The following DMD variants were observed in gnomAD, a reference collection of about 807,000 sequenced individuals.
DMD encodes mutant dystrophin.
DMD carries 63 observed loss-of-function variants against 330.1 expected under a neutral mutation model. That is an observed-to-expected ratio of 0.19 (90% CI 0.16 to 0.24). The LOEUF is 0.24. Among genes scored for constraint, DMD ranks in the 10% least tolerant of loss-of-function variants. The pLI, the probability that DMD is intolerant of heterozygous loss-of-function variation, is 1.00. For synonymous variants in DMD, 1,223 were observed against 959.8 expected, an observed-to-expected ratio of 1.27 and a Z score of -5.07; for missense variants, 3,344 against 2,684.1, an observed-to-expected ratio of 1.25 and a Z score of -5.43.
At chrX:33,145,897 TA>T (rs1285754138) in intron 1 of DMD, among the ~76,000 whole-genome samples, 1 of 110,178 alleles carries the variant, frequency 9.1e-6, no homozygotes, top group African/African-American at 3.3e-5. Flanking sequence ...TTTATTTATT[TA>T]TTTTTTTGAG....
At chrX:32,970,623 G>C (rs1028701214) in intron 2 of DMD, among the ~76,000 whole-genome samples, 2 of 92,115 alleles carry the variant, frequency 2.2e-5, no homozygotes, top group Admixed American at 2.2e-4. Context: ...GACAGAGCGA[G>C]ACTCCATCTC....
chrX:32,983,550 CACACACACACACACACACACACACAT>C (rs1406584038), intron 2 of DMD, among the ~76,000 whole-genome samples: 5 of 90,285 alleles, frequency 5.5e-5, no homozygotes, highest in African/African-American at 1.2e-4. Flanking sequence ...CACACACACA[CACACACACACACACACACACACACAT>C]ATAGGAACAC....
chrX:31,197,861 C>T (rs886797349), intron 67 of DMD, among the ~76,000 whole-genome samples: 2 of 110,309 alleles, frequency 1.8e-5, no homozygotes, highest in Middle Eastern at 4.7e-3. Flanking sequence ...TGGATGAATG[C>T]ATAAAGAAAA....
chrX:32,851,492 A>C (rs1399619439), intron 2 of DMD, among the ~76,000 whole-genome samples: 1 of 112,545 alleles, frequency 8.9e-6, no homozygotes, highest in Non-Finnish European at 1.9e-5. Context: ...ACGGTCAAAT[A>C]CATGGAACCT....
intron 49 of DMD, among the ~76,000 whole-genome samples, chrX:31,833,520 T>C (rs950502791): frequency 1.8e-5 from 2 of 111,994 alleles, no homozygotes; most frequent in Admixed American, 9.5e-5. Flanking sequence ...TTTCATAATA[T>C]GTATTTGACC....
At position 32,564,458 on chromosome X, in the gene DMD, A is replaced by C. The variant is rs182077394; in HGVS notation, c.1992+1244T>G. 1.5e-3 allele frequency among the ~76,000 whole-genome samples: 168 copies of C among 111,859 alleles called. 1 individual carries two copies. Among genetic ancestry groups the C allele is most frequent in the Admixed American group, 2.5e-3 (26 of 10,479 alleles). On this transcript the variant is annotated intron_variant, in intron 16 of 78. Coordinates refer to ENST00000357033, the MANE Select transcript of DMD (RefSeq NM_004006.3). ...GACTAATGTCTCATGTATTTATTAC[A>C]TAAATACCAATGTATTGCAAAGAAG...
intron 13 of DMD, among the ~76,000 whole-genome samples, chrX:32,594,680 A>G (rs988611556): frequency 9.9e-5 from 11 of 111,186 alleles, no homozygotes; most frequent in African/African-American, 3.3e-4. Flanking sequence ...TACTTTATCA[A>G]TCTTTTAATA....
intron 44 of DMD, among the ~76,000 whole-genome samples, chrX:31,996,826 C>T (rs1390127131): frequency 9.0e-6 from 1 of 110,711 alleles, no homozygotes; most frequent in Non-Finnish European, 1.9e-5. Context: ...GATAATAAGC[C>T]AGGATAATAA....
At chrX:32,751,511 G>A (rs755244574) in intron 7 of DMD, among the ~76,000 whole-genome samples, 1 of 111,622 alleles carries the variant, frequency 9.0e-6, no homozygotes, top group East Asian at 2.8e-4. Context: ...GGTGACTTGG[G>A]TCCTGTTAAG....
At chrX:31,418,563 C>G (rs1048928571) in intron 60 of DMD, among the ~76,000 whole-genome samples, 1 of 111,884 alleles carries the variant, frequency 8.9e-6, no homozygotes, top group African/African-American at 3.2e-5. Context: ...GGGAAGGTAC[C>G]TAACTGCTCC....
At chrX:31,298,098 C>G (rs746402905) in intron 62 of DMD, among the ~76,000 whole-genome samples, 1 of 111,986 alleles carries the variant, frequency 8.9e-6, no homozygotes, top group East Asian at 2.8e-4. Context: ...TGTACAACTT[C>G]TAGTCCTTAC....
chrX:32,099,729 C>T, intron 44 of DMD, among the ~76,000 whole-genome samples: 1 of 75,363 alleles, frequency 1.3e-5, no homozygotes, highest in African/African-American at 5.7e-5. Flanking sequence ...ACATCACACC[C>T]TGGGAACTGT....
chrX:32,393,838 G>C (rs1228454924), intron 30 of DMD, among the ~76,000 whole-genome samples: 1 of 110,601 alleles, frequency 9.0e-6, no homozygotes, highest in African/African-American at 3.3e-5. Flanking sequence ...GAATGAGAGA[G>C]AGAGGTCAAC....
At chrX:31,864,906 C>G (rs1260296915) in intron 48 of DMD, among the ~76,000 whole-genome samples, 1 of 111,937 alleles carries the variant, frequency 8.9e-6, no homozygotes, top group Non-Finnish European at 1.9e-5. Flanking sequence ...TTAGTTTTGC[C>G]TTATCTAACA....
intron 9 of DMD, among the ~76,000 whole-genome samples, chrX:32,668,600 G>A (rs748003350): frequency 4.5e-4 from 50 of 111,602 alleles, no homozygotes; most frequent in Admixed American, 2.5e-3. Flanking sequence ...ATGAATAGTG[G>A]AATTCCAGCA....
At chrX:32,242,795 T>C (rs1291844107) in intron 43 of DMD, among the ~76,000 whole-genome samples, 1 of 110,416 alleles carries the variant, frequency 9.1e-6, no homozygotes, top group East Asian at 2.9e-4. Context: ...GGCATAGATA[T>C]ATAATCATTT....
At chrX:32,935,032 G>A (rs1398853519) in intron 2 of DMD, among the ~76,000 whole-genome samples, 2 of 113,128 alleles carry the variant, frequency 1.8e-5, no homozygotes, top group Non-Finnish European at 3.7e-5. Flanking sequence ...AGGCTGGAGC[G>A]CAGTGGCGCG....
chrX:32,349,020 T>C (rs2097773013), intron 37 of DMD, among the ~76,000 whole-genome samples: 1 of 111,558 alleles, frequency 9.0e-6, no homozygotes, highest in African/African-American at 3.2e-5. Context: ...CACAGCACAA[T>C]TGACAGGCAT....
chrX:32,686,525 C>A (rs112391402), intron 9 of DMD, among the ~76,000 whole-genome samples: 3,132 of 88,024 alleles, frequency 0.036, 146 homozygotes, highest in African/African-American at 0.14. Context: ...TGCCAGTGCA[C>A]TTCAGCCGGG....
Sources: allele counts gnomAD v4.1 joint callset (sites outside exome capture counted in the v4.1 genomes callset), GRCh38; gene constraint gnomAD v4.1.1; transcripts MANE v1.5; gene names NCBI Gene and HGNC (gene_info 2026-07-23, HGNC 2026-07-21).